SRGAP2C: variants seen among roughly 807,000 people sequenced by gnomAD.
SRGAP2C encodes SLIT-ROBO Rho GTPase activating protein 2C.
A neutral mutation model predicts 25.1 loss-of-function variants in SRGAP2C; 15 were observed. That is an observed-to-expected ratio of 0.60 (90% CI 0.40 to 0.92). The LOEUF is 0.92. Among genes scored for constraint, SRGAP2C ranks in the 40% least tolerant of loss-of-function variants. The pLI, the probability that SRGAP2C is intolerant of heterozygous loss-of-function variation, is 0.00. For missense variants in SRGAP2C, 144 were observed against 264.4 expected, an observed-to-expected ratio of 0.54 and a Z score of 3.16; for synonymous variants, 44 against 96.6, an observed-to-expected ratio of 0.46 and a Z score of 3.19.
rs1319822875 is a variant in SRGAP2C, at chr1:121,291,132, G to T, written c.260+6137G>T. The stretch of plus-strand genomic sequence containing the variant: ...AGAGCAAAAAAAAAAAAAGTGGGGG[G>T]AGTGGAAAGGAAGTAGGAATATATT... On this transcript the variant is annotated intron_variant, in intron 3 of 9. Transcript: ENST00000367123. 1.4e-3 allele frequency among the ~76,000 whole-genome samples: 187 copies of T among 131,474 alleles called. 18 individuals are homozygous for T. In the Middle Eastern group the frequency reaches 0.018, roughly 13 times the overall value. The allele number at this position is 131,474 out of a possible 152,430, so 86.3% of individuals were successfully genotyped here.
chr1:121,308,451 C>T (rs1162344222), intron 3 of SRGAP2C, among the ~76,000 whole-genome samples: 4 of 150,964 alleles, frequency 2.6e-5, no homozygotes, highest in African/African-American at 9.7e-5. Context: ...TGGGAATTTC[C>T]AGAGAATCAG....
At chr1:121,274,010 G>A (rs1657042386) in intron 2 of SRGAP2C, among the ~76,000 whole-genome samples, 2 of 150,944 alleles carry the variant, frequency 1.3e-5, no homozygotes, top group African/African-American at 4.9e-5. Flanking sequence ...GTTCATCTGG[G>A]GTGATGCATA....
At chr1:121,270,786 A>G (rs1373060278) in intron 2 of SRGAP2C, among the ~76,000 whole-genome samples, 1 of 145,558 alleles carries the variant, frequency 6.9e-6, no homozygotes, top group Non-Finnish European at 1.5e-5. Context: ...TATTTAAGAG[A>G]TAAGGAGGTT....
intron 2 of SRGAP2C, among the ~76,000 whole-genome samples, chr1:121,280,335 C>G (rs1291757285): frequency 6.6e-6 from 1 of 151,794 alleles, no homozygotes; most frequent in Non-Finnish European, 1.5e-5. Flanking sequence ...TATGTGATTT[C>G]TTTCCGCTAT....
At chr1:121,212,170 G>A (rs1310280194) in intron 2 of SRGAP2C, among the ~76,000 whole-genome samples, 3 of 94,148 alleles carry the variant, frequency 3.2e-5, no homozygotes, top group South Asian at 4.3e-4. Context: ...TCGCTCTGTC[G>A]CCCAGGCTGG....
chr1:121,354,146 T>C (rs1553346933), intron 4 of SRGAP2C, among the ~76,000 whole-genome samples: 1 of 75,540 alleles, frequency 1.3e-5, no homozygotes, highest in Non-Finnish European at 2.5e-5. Flanking sequence ...ATGTTGCTTG[T>C]AAGAGAACAG....
Position 121,238,776 on chromosome 1 carries a change from G to A in SRGAP2C, c.68-46027G>A, listed in dbSNP as rs1656020557. On this transcript the variant is annotated intron_variant, in intron 2 of 9. Transcript: ENST00000367123. The stretch of plus-strand genomic sequence containing the variant: ...CTACAATTGTGCACCACTACACACT[G>A]CTATTTTTTTTTTTTTTTTTTTGAG... 2.1e-5 allele frequency among the ~76,000 whole-genome samples: 3 copies of A among 143,602 alleles called. No individual in the cohort carries two copies. In the South Asian group the frequency reaches 6.5e-4, roughly 31 times the overall value. The allele number at this position is 143,602 out of a possible 152,430, so 94.2% of individuals were successfully genotyped here.
At chr1:121,370,193 T>C (rs1432559651) in intron 5 of SRGAP2C, among the ~76,000 whole-genome samples, 1 of 87,720 alleles carries the variant, frequency 1.1e-5, no homozygotes. Context: ...GATGGTCACA[T>C]TGCCGAGAGA....
intron 5 of SRGAP2C, among the ~76,000 whole-genome samples, chr1:121,368,089 A>AT (rs1491532459): frequency 3.0e-5 from 3 of 100,932 alleles, no homozygotes; most frequent in Admixed American, 1.1e-4. Context: ...AAAAAAAAAA[A>AT]GAAAAAGGAA....
At chr1:121,226,107 G>A (rs1442990018) in intron 2 of SRGAP2C, among the ~76,000 whole-genome samples, 1 of 151,604 alleles carries the variant, frequency 6.6e-6, no homozygotes, top group Non-Finnish European at 1.5e-5. Flanking sequence ...AAAGGGATCG[G>A]GTCTGTATAT....
rs587604706 is a variant in SRGAP2C at position 121,184,986 on chromosome 1, G to T, written c.-681G>T. 9 of 513,854 alleles carry T rather than the reference G, an allele frequency of 1.8e-5. No homozygotes were observed. The highest frequency in any genetic ancestry group is 3.7e-5 in the Admixed American group (1 of 27,268). The allele number at this position is 513,854 out of a possible 1,614,324, so 31.8% of individuals were successfully genotyped here. A position where few individuals can be genotyped will look rare whatever the true frequency, so the allele number is the denominator to read the frequency against. On this transcript the variant is annotated 5_prime_UTR_variant, in exon 1 of 10. Coordinates refer to ENST00000367123, the MANE Select transcript of SRGAP2C (RefSeq NM_001329984.2). ...CTCTACTTCCCGGCGGGGTCCTGCGGAGTTGGCGGAGGCGGCGGAGGCTCC... is the reference window on the plus strand; with the variant it reads ...CTCTACTTCCCGGCGGGGTCCTGCGTAGTTGGCGGAGGCGGCGGAGGCTCC...
At chr1:121,355,551 C>T (rs1250979171) in intron 4 of SRGAP2C, among the ~76,000 whole-genome samples, 4 of 131,534 alleles carry the variant, frequency 3.0e-5, no homozygotes, top group Non-Finnish European at 3.2e-5. Flanking sequence ...CCTCGTGATC[C>T]GCCCGCCTCG....
At chr1:121,236,681 T>C (rs1655968643) in intron 2 of SRGAP2C, among the ~76,000 whole-genome samples, 1 of 151,574 alleles carries the variant, frequency 6.6e-6, no homozygotes, top group African/African-American at 2.4e-5. Context: ...TTCGAGATCT[T>C]ATTGGCCTGT....
At chr1:121,360,803 G>A (rs1342816242) in intron 4 of SRGAP2C, 1 of 146,350 alleles carries the variant, frequency 6.8e-6, no homozygotes, top group Non-Finnish European at 1.5e-5. Context: ...CTTAATACAG[G>A]GTCATGTTCC....
At chr1:121,275,320 G>A (rs1657079434) in intron 2 of SRGAP2C, among the ~76,000 whole-genome samples, 1 of 101,264 alleles carries the variant, frequency 9.9e-6, no homozygotes, top group African/African-American at 4.0e-5. Flanking sequence ...AATATTTGCT[G>A]GGTTTGTTGG....
At chr1:121,345,649 C>CTTT (rs782110661) in intron 4 of SRGAP2C, among the ~76,000 whole-genome samples, 1,660 of 95,736 alleles carry the variant, frequency 0.017, 112 homozygotes, top group Admixed American at 0.058. Flanking sequence ...GGTTGCTCTT[C>CTTT]TTTTTTTTTT....
chr1:121,281,339 C>A (rs1468181918), intron 2 of SRGAP2C, among the ~76,000 whole-genome samples: 2 of 151,770 alleles, frequency 1.3e-5, no homozygotes, highest in Admixed American at 6.6e-5. Flanking sequence ...TTTCCTTCTT[C>A]CTTCTTCATT....
At position 121,324,483 on chromosome 1, in the gene SRGAP2C, A is replaced by T. The variant is rs1658275618; in HGVS notation, c.266A>T (p.Asp89Val). ...RSTKDQQFKK[D>V]QNVLSPVNCW... ...TCCTTGATGTTTCTTCACAGGAAGG[A>T]TCAGAATGTTCTCTCTCCAGTCAAC... The change falls in exon 4 of 10, where the codon GAT (aspartate) becomes GTT (valine). Residue 89 changes from aspartate to valine, a missense_variant. By Grantham distance (152) the Asp-to-Val change is radical (BLOSUM62 -3). Coordinates refer to ENST00000367123, the MANE Select transcript of SRGAP2C (RefSeq NM_001329984.2). 26 of 1,613,058 alleles carry T rather than the reference A, an allele frequency of 1.6e-5. No individual in the cohort carries two copies. In the South Asian group the frequency reaches 2.9e-4, roughly 18 times the overall value.
chr1:121,265,520 T>TA (rs1205786159), intron 2 of SRGAP2C, among the ~76,000 whole-genome samples: 2 of 107,284 alleles, frequency 1.9e-5, no homozygotes, highest in Non-Finnish European at 3.8e-5. Context: ...AAATATACAT[T>TA]AAAAATATAG....
Sources: gnomAD v4.1 joint callset for allele counts (sites outside exome capture counted in the v4.1 genomes callset) on GRCh38, gnomAD v4.1.1 for gene constraint, MANE v1.5 for transcripts, NCBI Gene and HGNC (gene_info 2026-07-23, HGNC 2026-07-21) for gene names.